INTS2: variants seen among roughly 807,000 people sequenced by gnomAD.
INTS2 encodes the protein KIAA1287.
INTS2 carries 57 observed loss-of-function variants against 139.6 expected under a neutral mutation model. That is an observed-to-expected ratio of 0.41 (90% CI 0.33 to 0.51). The LOEUF (loss-of-function observed/expected upper bound fraction) is 0.51, where lower values mean the gene tolerates loss of function less well. INTS2 is among the 20% of genes least tolerant of loss of function. INTS2 has a pLI of 0.28. For synonymous variants in INTS2, 473 were observed against 493.4 expected, an observed-to-expected ratio of 0.96 and a Z score of 0.55; for missense variants, 1,196 against 1,436.7, an observed-to-expected ratio of 0.83 and a Z score of 2.71.
chr17:61,919,170 G>A (rs921315844), intron 5 of INTS2, among the ~76,000 whole-genome samples: 10 of 151,870 alleles, frequency 6.6e-5, no homozygotes, highest in East Asian at 3.9e-4. Context: ...TGATCTGCCC[G>A]CCTCGGCCTC....
intron 1 of INTS2, 34 bp from the exon 2 acceptor site, chr17:61,926,696 T>C: frequency 6.6e-7 from 1 of 1,519,800 alleles, no homozygotes; most frequent in Non-Finnish European, 9.0e-7. Flanking sequence ...AGTAGGAGTT[T>C]AACTTTCACA....
rs772858376 is a variant in INTS2, at chr17:61,868,013, T to C, written c.3245-4A>G. On this transcript the variant is annotated splice_polypyrimidine_tract_variant and splice_region_variant and intron_variant, in intron 23 of 24. Coordinates refer to ENST00000251334, the MANE Select transcript of INTS2 (RefSeq NM_001351695.2). The surrounding 1 kb of genome is among the most constrained non-coding windows in gnomAD (Gnocchi z 4.7). ...TACCGCTTAGCCTGTGTTAAAACTG[T>C]TGGAAAAAAATGAAACAATATTTTA... The C allele has an allele frequency of 1.5e-5, 23 of 1,561,834 alleles. No individual in the cohort carries two copies. The highest frequency in any genetic ancestry group is 2.0e-5 in the Non-Finnish European group (23 of 1,160,796).
intron 6 of INTS2, 106 bp downstream of exon 6, chr17:61,911,834 T>A (rs1351290592): frequency 2.1e-6 from 3 of 1,414,864 alleles, no homozygotes; most frequent in Non-Finnish European, 2.9e-6. Flanking sequence ...ACATATCCAG[T>A]ATATAAATAA....
At position 61,872,482 on chromosome 17, in the gene INTS2, G is replaced by C. The variant is rs1388294460; in HGVS notation, c.2583-22C>G. 7.0e-7 allele frequency: 1 copy of C among 1,427,144 alleles called. No homozygotes were observed. The highest frequency in any genetic ancestry group is 2.0e-5 in the Admixed American group (1 of 49,654). 88.4% of individuals were successfully genotyped at this position (1,427,144 alleles called of 1,614,324 possible). A position where few individuals can be genotyped will look rare whatever the true frequency, so the allele number is the denominator to read the frequency against. On this transcript the variant is annotated intron_variant, in intron 19 of 24. Coordinates refer to ENST00000251334, the MANE Select transcript of INTS2 (RefSeq NM_001351695.2). This position sits in a 1 kb window ranked among gnomAD's most constrained non-coding sequence, Gnocchi z 4.8. ...GCATCTAAACAAGGAAAGCAGAAAA[G>C]AAAAATATATCAGAAAGAATATAAA...
chr17:61,907,035 G>A (rs1603380399), intron 8 of INTS2, among the ~76,000 whole-genome samples: 1 of 149,660 alleles, frequency 6.7e-6, no homozygotes, highest in East Asian at 2.0e-4. Context: ...TATGATATCA[G>A]CTGTAAAAGG....
rs1364119932 is a variant in INTS2, at chr17:61,867,840, A to G, written c.3414T>C (p.Ile1138=). ...AAATAAGTTACCACTTACGTGTAAT[A>G]ATTGGATCAATGTCTCTTGTCTGAG... The part of the protein sequence containing the change: ...VATQTRDIDP[I]ITRLQQIKEK... Residue 1138 remains isoleucine (I), a synonymous_variant, in exon 24 of 25, where the codon ATT becomes ATC. Coordinates refer to ENST00000251334, the MANE Select transcript of INTS2 (RefSeq NM_001351695.2). The surrounding 1 kb of genome is among the most constrained non-coding windows in gnomAD (Gnocchi z 5.6). The G allele has an allele frequency of 6.3e-7, 1 of 1,590,396 alleles. No individual in the cohort carries two copies. The highest frequency in any genetic ancestry group is 1.9e-5 in the Admixed American group (1 of 53,240).
Position 61,867,452 on chromosome 17 carries a change from C to T in INTS2, c.*105G>A. 1.6e-6 allele frequency: 1 copy of T among 631,388 alleles called. No individual in the cohort carries two copies. The highest frequency in any genetic ancestry group is 2.7e-6 in the Non-Finnish European group (1 of 376,812). The allele number at this position is 631,388 out of a possible 1,614,324, so 39.1% of individuals were successfully genotyped here. On this transcript the variant is annotated 3_prime_UTR_variant, in exon 25 of 25. Coordinates refer to ENST00000251334, the MANE Select transcript of INTS2 (RefSeq NM_001351695.2). This position sits in a 1 kb window ranked among gnomAD's most constrained non-coding sequence, Gnocchi z 5.6. ...TTGAATTGAATTGTTTTAGTGATTC[C>T]AAGACAATACTTTACTGTTCCCATT...
Position 61,924,679 on chromosome 17 carries a change from A to G in INTS2, c.432+282T>C, listed in dbSNP as rs137974965. Among the ~76,000 whole-genome samples the G allele has an allele frequency of 5.2e-3, 797 of 152,176 alleles. 5 individuals carry two copies. Among genetic ancestry groups the G allele is most frequent in the African/African-American group, 0.018 (752 of 41,528 alleles). On this transcript the variant is annotated intron_variant, in intron 3 of 24. Coordinates refer to ENST00000251334, the MANE Select transcript of INTS2 (RefSeq NM_001351695.2). ...CCCATTTCTACTAAAAATACAAAAA[A>G]TTAGCTGGGCGTGGTGGCGGGCACC...
chr17:61,908,175 G>A (rs539295383), intron 7 of INTS2, among the ~76,000 whole-genome samples: 78 of 152,310 alleles, frequency 5.1e-4, no homozygotes, highest in African/African-American at 1.7e-3. Flanking sequence ...AGCACTTTGG[G>A]AGGCCAAGGC....
At chr17:61,896,061 G>A (rs2079344941) in intron 11 of INTS2, among the ~76,000 whole-genome samples, 1 of 151,916 alleles carries the variant, frequency 6.6e-6, no homozygotes, top group Non-Finnish European at 1.5e-5. Context: ...CTAACACAGT[G>A]AAACCCCATC....
intron 14 of INTS2, among the ~76,000 whole-genome samples, chr17:61,891,115 G>A (rs924056185): frequency 2.0e-5 from 3 of 151,110 alleles, no homozygotes; most frequent in Admixed American, 2.0e-4. Context: ...CCAACATGGT[G>A]AAACCCTGTC....
At position 61,875,076 on chromosome 17, in the gene INTS2, T is replaced by C; in HGVS notation, c.2457-38A>G. The C allele has an allele frequency of 6.8e-7, 1 of 1,480,172 alleles. No individual in the cohort carries two copies. The highest frequency in any genetic ancestry group is 9.1e-7 in the Non-Finnish European group (1 of 1,102,412). The allele number at this position is 1,480,172 out of a possible 1,614,324, so 91.7% of individuals were successfully genotyped here. ...TAATCACATGTTCAAAACAGTTTTT[T>C]ATATATTAAAATCTGTAGCCATCCA... On this transcript the variant is annotated intron_variant, in intron 18 of 24. Transcript: ENST00000251334. The surrounding 1 kb of genome is among the most constrained non-coding windows in gnomAD (Gnocchi z 4.6).
chr17:61,877,269 A>C (rs535566559), intron 18 of INTS2, among the ~76,000 whole-genome samples: 2 of 152,166 alleles, frequency 1.3e-5, no homozygotes, highest in Non-Finnish European at 2.9e-5. Flanking sequence ...GTCTCTGGGG[A>C]GCTAAAGTCT....
rs771193826 is a variant in INTS2, at chr17:61,884,969, G to A, written c.2021C>T (p.Ser674Phe). 5 of 1,606,642 alleles carry A rather than the reference G, an allele frequency of 3.1e-6. No homozygotes were observed. The South Asian group carries it at 5.6e-5, about 18-fold the overall frequency. ...TTTGATAGGAATCTGATCCATTAAAGAAGAAGAATATGATTTGGGCTTTCT... is the reference window on the plus strand; with the variant it reads ...TTTGATAGGAATCTGATCCATTAAAAAAGAAGAATATGATTTGGGCTTTCT... ...MQRKPKSYSS[S>F]LMDQIPIKFL... The change falls in exon 16 of 25, where the codon TCT (serine) becomes TTT (phenylalanine). Residue 674 changes from serine to phenylalanine, a missense_variant. Coordinates refer to ENST00000251334, the MANE Select transcript of INTS2 (RefSeq NM_001351695.2).
In INTS2 at chr17:61,927,754, G is replaced by A. The variant is rs951929496; in HGVS notation, c.-119C>T. On this transcript the variant is annotated 5_prime_UTR_variant, in exon 1 of 25. Transcript: ENST00000251334. ...AGAGCGCGGTCCGATGTTGGGCCTA[G>A]GCGATATCCGGAACCCCAAACCCTA... 6 of 1,531,782 alleles carry A rather than the reference G, an allele frequency of 3.9e-6. No homozygotes were observed. In the African/African-American group the frequency reaches 8.2e-5, roughly 21 times the overall value. The allele number at this position is 1,531,782 out of a possible 1,614,324, so 94.9% of individuals were successfully genotyped here.
rs1390001830 is a variant in INTS2, at chr17:61,875,458, T to C, written c.2457-420A>G. Among the ~76,000 whole-genome samples, 1 of 152,212 alleles carries C rather than the reference T, an allele frequency of 6.6e-6. No individual in the cohort carries two copies. The highest frequency in any genetic ancestry group is 1.5e-5 in the Non-Finnish European group (1 of 68,028). ...CATTCTGTATCTAGTTCCATAAATA[T>C]AAGTCACTATTCTGGATTTATCATC... On this transcript the variant is annotated intron_variant, in intron 18 of 24. Transcript: ENST00000251334. This position sits in a 1 kb window ranked among gnomAD's most constrained non-coding sequence, Gnocchi z 4.6.
intron 7 of INTS2, among the ~76,000 whole-genome samples, chr17:61,908,232 T>C (rs1176574774): frequency 6.6e-6 from 1 of 152,124 alleles, no homozygotes. Context: ...CTGGCCAACA[T>C]GGTGAAACCC....
rs2079129182 is a variant in INTS2, at chr17:61,876,572, G to A, written c.2456+1315C>T. Reference sequence around the variant, plus strand: ...TCCTGCCTCAGCCCACCAAGTAGCTGGGAATACAGGCATGCATGCACCACC... The same window carrying A: ...TCCTGCCTCAGCCCACCAAGTAGCTAGGAATACAGGCATGCATGCACCACC... On this transcript the variant is annotated intron_variant, in intron 18 of 24. Transcript: ENST00000251334. The surrounding 1 kb of genome is among the most constrained non-coding windows in gnomAD (Gnocchi z 4.1). Among the ~76,000 whole-genome samples the A allele has an allele frequency of 1.3e-5, 2 of 152,160 alleles. No individual in the cohort carries two copies. The highest frequency in any genetic ancestry group is 1.3e-4 in the Admixed American group (2 of 15,290).
chr17:61,914,854 A>T (rs1221259489), intron 5 of INTS2, among the ~76,000 whole-genome samples: 1 of 151,402 alleles, frequency 6.6e-6, no homozygotes. Flanking sequence ...AGCATGCGTG[A>T]CAGAGCGAGA....
Sources: gnomAD v4.1 joint callset for allele counts (sites outside exome capture counted in the v4.1 genomes callset) on GRCh38, gnomAD v4.1.1 for gene constraint, Gnocchi (gnomAD v3.1) non-coding constraint, MANE v1.5 for transcripts, NCBI Gene and HGNC (gene_info 2026-07-23, HGNC 2026-07-21) for gene names.